VPS35: variants seen among roughly 807,000 people sequenced by gnomAD.
VPS35 encodes vacuolar protein sorting-associated protein 35.
In VPS35, 21 loss-of-function variants were observed where a neutral mutation model predicts 98.1. The ratio of observed to expected loss-of-function variants is 0.21; its 90% confidence interval spans 0.15 to 0.31. The LOEUF is 0.31. Among genes scored for constraint, VPS35 ranks in the 10% least tolerant of loss-of-function variants. The probability of loss-of-function intolerance (pLI) is 1.00; values close to 1 mark genes in which losing one functional copy is unlikely to be tolerated. For missense variants in VPS35, 554 were observed against 950.8 expected (o/e 0.58, Z 5.49); for synonymous variants, 268 against 318.2 (o/e 0.84, Z 1.68).
chr16:46,677,859 AG>A (rs1157237039), intron 6 of VPS35, among the ~76,000 whole-genome samples: 2 of 152,154 alleles, frequency 1.3e-5, no homozygotes, highest in Non-Finnish European at 2.9e-5. Flanking sequence ...GTCTAATCCT[AG>A]GTCATAAAGA....
chr16:46,672,151 C>G, intron 11 of VPS35, 114 bp downstream of exon 11: 1 of 916,836 alleles, frequency 1.1e-6, no homozygotes, highest in Non-Finnish European at 1.7e-6. Flanking sequence ...GAAAAAGTTA[C>G]TTGTAAATTT....
At chr16:46,666,356 C>T (rs892900085) in intron 13 of VPS35, among the ~76,000 whole-genome samples, 4 of 151,350 alleles carry the variant, frequency 2.6e-5, no homozygotes, top group African/African-American at 7.3e-5. Flanking sequence ...ACAACCTCTG[C>T]GTCCCGGGTT....
chr16:46,669,575 G>A lies in VPS35; in HGVS notation c.1525-523C>T, dbSNP rs956243331. ...TCAGCTACTGAGGAGGCTGAGGCAG[G>A]AGAATTGCTTGAACCCAGGAGATGG... On this transcript the variant is annotated intron_variant, in intron 12 of 16. Coordinates refer to ENST00000299138, the MANE Select transcript of VPS35 (RefSeq NM_018206.6). Among the ~76,000 whole-genome samples, 4 of 151,538 alleles carry A rather than the reference G, an allele frequency of 2.6e-5. No individual in the cohort carries two copies. In the South Asian group the frequency reaches 8.3e-4, roughly 32 times the overall value.
At position 46,661,949 on chromosome 16, in the gene VPS35, C is replaced by T. The variant is rs1965920422; in HGVS notation, c.2068-88G>A. Reference sequence around the variant, plus strand: ...AAACACAACACTACCGTGGCTCTTTCGTGTTTTAAAGGGACATAACAAATT... The same window carrying T: ...AAACACAACACTACCGTGGCTCTTTTGTGTTTTAAAGGGACATAACAAATT... On this transcript the variant is annotated intron_variant, in intron 15 of 16. Transcript: ENST00000299138. This position sits in a 1 kb window ranked among gnomAD's most constrained non-coding sequence, Gnocchi z 4.3. The T allele has an allele frequency of 2.6e-6, 4 of 1,565,714 alleles. No homozygotes were observed. Among genetic ancestry groups the T allele is most frequent in the Non-Finnish European group, 3.5e-6 (4 of 1,141,636 alleles).
chr16:46,663,679 G>A (rs1398528263), intron 13 of VPS35, among the ~76,000 whole-genome samples: 2 of 151,494 alleles, frequency 1.3e-5, no homozygotes, highest in Non-Finnish European at 2.9e-5. Flanking sequence ...TCACAGGCGT[G>A]AGCCACTGCA....
rs991238956 is a variant in VPS35, at chr16:46,688,814, G to A, written c.3+317C>T. The A allele has an allele frequency of 6.6e-6, 9 of 1,366,356 alleles. No individual in the cohort carries two copies. In the African/African-American group the frequency reaches 8.8e-5, roughly 13 times the overall value. The allele number at this position is 1,366,356 out of a possible 1,614,324, so 84.6% of individuals were successfully genotyped here. The stretch of plus-strand genomic sequence containing the variant: ...AGGACTACCGGTCCCCTCGTGGTAG[G>A]CAGGTGACCGATTCCACTTAAAGGA... On this transcript the variant is annotated intron_variant, in intron 1 of 16. Transcript: ENST00000299138.
At chr16:46,679,327 A>G (rs1314996530) in intron 5 of VPS35, among the ~76,000 whole-genome samples, 171 bp from the exon 6 acceptor site, 1 of 152,254 alleles carries the variant, frequency 6.6e-6, no homozygotes, top group African/African-American at 2.4e-5. Context: ...ACTCTAGGGT[A>G]AAAAGTACCA....
chr16:46,676,065 CAAAAAAAA>C (rs369452932), intron 8 of VPS35, among the ~76,000 whole-genome samples: 1 of 63,594 alleles, frequency 1.6e-5, no homozygotes, highest in African/African-American at 6.9e-5. Context: ...GGATCTGTCT[CAAAAAAAA>C]AAAAAAAAAA....
rs1208978971 is a variant in VPS35 at position 46,672,469 on chromosome 16, A to G, written c.1164T>C (p.Ile388=). ...EIFNKLNLEH[I]ATSSAVSKEL... is the part of the protein sequence containing the mutation. ...CCTTTGAAACTGCACTACTGGTAGC[A>G]ATACTACAAAAAGAAAAACAGAAGT... The change falls in exon 11 of 17, where the codon ATT becomes ATC. Residue 388 remains isoleucine (I), a synonymous_variant. Coordinates refer to ENST00000299138, the MANE Select transcript of VPS35 (RefSeq NM_018206.6). The G allele has an allele frequency of 6.2e-7, 1 of 1,611,838 alleles. No homozygotes were observed. The highest frequency in any genetic ancestry group is 8.5e-7 in the Non-Finnish European group (1 of 1,179,418).
intron 1 of VPS35, among the ~76,000 whole-genome samples, chr16:46,684,800 T>A (rs933234266): frequency 6.6e-6 from 1 of 152,206 alleles, no homozygotes; most frequent in African/African-American, 2.4e-5. Context: ...AAAGACTGAA[T>A]AATTAATGGA....
At chr16:46,671,313 T>C (rs181602739) in intron 12 of VPS35, among the ~76,000 whole-genome samples, 1 of 152,286 alleles carries the variant, frequency 6.6e-6, no homozygotes, top group East Asian at 1.9e-4. Context: ...AAAATGAACA[T>C]GGAATAATTA....
intron 1 of VPS35, chr16:46,688,722 G>A: frequency 8.5e-7 from 1 of 1,172,674 alleles, no homozygotes. Flanking sequence ...CAACATCTGG[G>A]CGGGTCCCGG....
At position 46,663,006 on chromosome 16, in the gene VPS35, C is replaced by T. The variant is rs896243488; in HGVS notation, c.1804G>A (p.Val602Ile). 1 of 1,614,214 alleles carries T rather than the reference C, an allele frequency of 6.2e-7. No homozygotes were observed. ...GEIGFENHET[V>I]AYEFMSQAFS... is the part of the protein sequence containing the mutation. ...ACCTGGGACATGAATTCATATGCGA[C>T]TGTCTCATGATTTTCAAAACCAATT... Residue 602 changes from valine (V) to isoleucine (I), a missense_variant, in exon 14 of 17, where the codon GTC becomes ATC. By Grantham distance (29) the Val-to-Ile change is conservative (BLOSUM62 3). Around this residue, in one of 5 missense-constraint regions of VPS35, gnomAD observed 254 missense variants for 390.1 expected, o/e 0.65. Coordinates refer to ENST00000299138, the MANE Select transcript of VPS35 (RefSeq NM_018206.6).
Position 46,661,851 on chromosome 16 carries a change from C to G in VPS35, c.2078G>C (p.Gly693Ala), listed in dbSNP as rs753236884. The change falls in exon 16 of 17, where the codon GGC becomes GCC. Residue 693 changes from glycine to alanine, a missense_variant. By Grantham distance (60) the Gly-to-Ala change is moderately conservative. This residue lies in a region of VPS35 where 153 missense variants were observed against 211.0 expected (regional missense o/e 0.73). Coordinates refer to ENST00000299138, the MANE Select transcript of VPS35 (RefSeq NM_018206.6). This position sits in a 1 kb window ranked among gnomAD's most constrained non-coding sequence, Gnocchi z 4.3. The part of the protein sequence containing the change: ...TDKNGEELHG[G>A]KRVMECLKKA... ...TTTTAGGCACTCCATTACCCTCTTG[C>G]CTCCGTGAAGCTAAAATAAAAGGGC... 4.3e-6 allele frequency: 7 copies of G among 1,613,924 alleles called. No individual in the cohort carries two copies. The African/African-American group carries it at 8.0e-5, about 18-fold the overall frequency.
Position 46,660,628 on chromosome 16 carries a change from C to G in VPS35, c.2235G>C (p.Gln745His). The G allele has an allele frequency of 6.2e-7, 1 of 1,613,878 alleles. No homozygotes were observed. The highest frequency in any genetic ancestry group is 1.1e-5 in the South Asian group (1 of 91,056). ...GGTCTTCTCGAATCTTTTGGATAAGCTGGTTTAAAACCTGAATTGTTACCT... is the reference window on the plus strand; with the variant it reads ...GGTCTTCTCGAATCTTTTGGATAAGGTGGTTTAAAACCTGAATTGTTACCT... The part of the protein sequence containing the change: ...NDAVTIQVLN[Q>H]LIQKIREDLP... The change falls in exon 17 of 17, where the codon CAG becomes CAC. Residue 745 changes from glutamine to histidine, a missense_variant. Gln to His is a conservative substitution (Grantham distance 24). Transcript: ENST00000299138.
intron 14 of VPS35, 63 bp from the exon 15 acceptor site, chr16:46,662,545 A>G: frequency 6.2e-7 from 1 of 1,603,120 alleles, no homozygotes; most frequent in Non-Finnish European, 8.5e-7. Flanking sequence ...AGCATTTTCC[A>G]AAGTACTTGT....
intron 16 of VPS35, 129 bp from the exon 17 acceptor site, chr16:46,660,780 G>T (rs1260830804): frequency 2.1e-6 from 1 of 473,650 alleles, no homozygotes; most frequent in Non-Finnish European, 3.8e-6. Flanking sequence ...AAAAAAGAAA[G>T]ATGGGGATAC....
intron 13 of VPS35, among the ~76,000 whole-genome samples, chr16:46,665,605 A>AC (rs1965976709): frequency 2.0e-5 from 3 of 151,802 alleles, no homozygotes; most frequent in African/African-American, 2.4e-5. Context: ...AAAAAAAAAA[A>AC]AGTGACAGTG....
chr16:46,660,049 G>T lies in VPS35; in HGVS notation c.*423C>A. On this transcript the variant is annotated 3_prime_UTR_variant, in exon 17 of 17. Coordinates refer to ENST00000299138, the MANE Select transcript of VPS35 (RefSeq NM_018206.6). ...CTTTCTTCTAAATTAATCTCAAACT[G>T]GACTAGAAAACAAGAGACAGACGCT... The T allele has an allele frequency of 6.3e-6, 1 of 158,924 alleles. No individual in the cohort carries two copies. The highest frequency in any genetic ancestry group is 1.4e-5 in the Non-Finnish European group (1 of 72,458). The allele number at this position is 158,924 out of a possible 1,614,324, so 9.8% of individuals were successfully genotyped here.
Sources: gnomAD v4.1 joint callset for allele counts (sites outside exome capture counted in the v4.1 genomes callset) on GRCh38, gnomAD v4.1.1 for gene constraint, gnomAD v4.1.1 regional missense constraint, Gnocchi (gnomAD v3.1) non-coding constraint, MANE v1.5 for transcripts, NCBI Gene and HGNC (gene_info 2026-07-23, HGNC 2026-07-21) for gene names.